The following PRKAR1A variants were observed in gnomAD, a reference collection of about 807,000 sequenced individuals.
PRKAR1A encodes the protein cAMP-dependent protein kinase type I-alpha regulatory subunit.
In PRKAR1A, 3 loss-of-function variants were observed where a neutral mutation model predicts 52.0. The ratio of observed to expected loss-of-function variants is 0.06; its 90% CI spans 0.03 to 0.15. PRKAR1A has a LOEUF of 0.15. Ranked by LOEUF, PRKAR1A falls within the 10% of genes least tolerant of loss-of-function variation. The pLI is 1.00. For synonymous variants in PRKAR1A, 188 were observed against 168.4 expected (o/e 1.12, Z -0.90); for missense variants, 240 against 477.4 (o/e 0.50, Z 4.63).
the PRKAR1A span, among the ~76,000 whole-genome samples, chr17:68,476,958 C>A: frequency 2.0e-4 from 30 of 152,056 alleles, no homozygotes; most frequent in African/African-American, 7.2e-4. Context: ...CCGTGCTCGG[C>A]CGAGATTTCT....
intron 11 of PRKAR1A, among the ~76,000 whole-genome samples, chr17:68,549,602 T>A (rs1186691867): frequency 6.6e-6 from 1 of 152,326 alleles, no homozygotes; most frequent in East Asian, 1.9e-4. Context: ...AGATTTATCA[T>A]TACTTTTATG....
chr17:68,434,729 T>C, the PRKAR1A span: 1 of 1,178,664 alleles, frequency 8.5e-7, no homozygotes, highest in African/African-American at 1.5e-5. Flanking sequence ...CATCTGTCTC[T>C]GAGGAGGAAG....
chr17:68,424,295 G>A, the PRKAR1A span, among the ~76,000 whole-genome samples: 4 of 152,264 alleles, frequency 2.6e-5, no homozygotes, highest in South Asian at 2.1e-4. Flanking sequence ...CGCTGCGACC[G>A]ACCCGCAGAG....
chr17:68,525,867 G>T lies in PRKAR1A; in HGVS notation c.663G>T (p.Val221=). 1.2e-6 allele frequency: 2 copies of T among 1,613,890 alleles called. No individual in the cohort carries two copies. Among genetic ancestry groups the T allele is most frequent in the African/African-American group, 1.3e-5 (1 of 74,962 alleles). ...CCACTGTCAAAGCAAAGACAAATGT[G>T]AAATTGTGGGGCATCGACCGAGACA... ...RAATVKAKTN[V]KLWGIDRDSY... is the part of the protein sequence containing the mutation. The change falls in exon 7 of 11, where the codon GTG becomes GTT. Residue 221 remains valine, a synonymous_variant. Coordinates refer to ENST00000589228, the MANE Select transcript of PRKAR1A (RefSeq NM_002734.5).
chr17:68,542,217 G>T, intron 11 of PRKAR1A: 2 of 1,595,020 alleles, frequency 1.3e-6, no homozygotes, highest in South Asian at 2.2e-5. Context: ...CTGGAGGCAT[G>T]ACATCTTCCT....
the PRKAR1A span, among the ~76,000 whole-genome samples, chr17:68,429,387 C>T: frequency 6.6e-6 from 1 of 152,040 alleles, no homozygotes; most frequent in African/African-American, 2.4e-5. Flanking sequence ...ATCTGTCAGC[C>T]CCATAGGAGT....
the PRKAR1A span, among the ~76,000 whole-genome samples, chr17:68,489,701 TCATCACACC>T: frequency 0.012 from 1,707 of 146,284 alleles, 36 homozygotes; most frequent in African/African-American, 0.038. Flanking sequence ...CAGGTGCGTG[TCATCACACC>T]CGGCAAATTT....
At chr17:68,477,242 C>T in the PRKAR1A span, among the ~76,000 whole-genome samples, 1 of 151,870 alleles carries the variant, frequency 6.6e-6, no homozygotes, top group African/African-American at 2.4e-5. Flanking sequence ...TATCAGAACA[C>T]TCATCCTTCC....
chr17:68,448,635 A>G, the PRKAR1A span, among the ~76,000 whole-genome samples: 1 of 152,310 alleles, frequency 6.6e-6, no homozygotes, highest in East Asian at 1.9e-4. Flanking sequence ...GAAATCATAC[A>G]AGCAAATACA....
chr17:68,503,524 T>C, the PRKAR1A span, among the ~76,000 whole-genome samples: 5 of 152,158 alleles, frequency 3.3e-5, no homozygotes, highest in East Asian at 7.7e-4. Flanking sequence ...AAATGAGCTA[T>C]CCAGTCACAA....
the PRKAR1A span, among the ~76,000 whole-genome samples, chr17:68,486,717 A>G: frequency 2.0e-5 from 3 of 151,778 alleles, no homozygotes; most frequent in Non-Finnish European, 2.9e-5. Context: ...GTGACTGTGT[A>G]CTTTTGCTCT....
chr17:68,458,141 G>A, the PRKAR1A span, among the ~76,000 whole-genome samples: 768 of 152,326 alleles, frequency 5.0e-3, 9 homozygotes, highest in African/African-American at 0.018. Context: ...CAGCCAGAGA[G>A]ATAGCAAGTT....
chr17:68,550,639 C>G (rs1294581426), intron 11 of PRKAR1A, among the ~76,000 whole-genome samples: 2 of 152,144 alleles, frequency 1.3e-5, no homozygotes, highest in Non-Finnish European at 2.9e-5. Context: ...CCTTGGCCTA[C>G]CAAAGTACTG....
the PRKAR1A span, among the ~76,000 whole-genome samples, chr17:68,497,057 C>T: frequency 6.6e-6 from 1 of 152,030 alleles, no homozygotes; most frequent in African/African-American, 2.4e-5. Context: ...CTCCTGAGCT[C>T]AAGTGATCTG....
chr17:68,450,649 T>C, the PRKAR1A span: 1 of 1,506,282 alleles, frequency 6.6e-7, no homozygotes, highest in Non-Finnish European at 8.9e-7. Flanking sequence ...TTACAGACAT[T>C]GATCTTGAAA....
chr17:68,540,790 G>A (rs2086251621), intron 11 of PRKAR1A: 1 of 1,552,188 alleles, frequency 6.4e-7, no homozygotes, highest in East Asian at 2.4e-5. Flanking sequence ...AAGGTCACGG[G>A]GAACCCTAGC....
intron 11 of PRKAR1A, among the ~76,000 whole-genome samples, chr17:68,550,657 A>G (rs975329637): frequency 7.2e-5 from 11 of 152,192 alleles, no homozygotes; most frequent in African/African-American, 2.4e-4. Context: ...CTGGGATTAC[A>G]GGTGTGAGCC....
the PRKAR1A span, chr17:68,453,068 T>TTG: frequency 8.0e-7 from 1 of 1,250,178 alleles, no homozygotes; most frequent in Non-Finnish European, 1.2e-6. Flanking sequence ...AGATGCCTTT[T>TTG]GCCCCCTAGC....
the PRKAR1A span, among the ~76,000 whole-genome samples, chr17:68,418,829 G>C: frequency 0.017 from 2,563 of 152,212 alleles, 81 homozygotes; most frequent in African/African-American, 0.059. Context: ...AAAAAGCTCT[G>C]CTTCTCCTGA....
Sources: gnomAD v4.1 joint callset for allele counts (sites outside exome capture counted in the v4.1 genomes callset) on GRCh38, gnomAD v4.1.1 for gene constraint, MANE v1.5 for transcripts, NCBI Gene and HGNC (gene_info 2026-07-23, HGNC 2026-07-21) for gene names.